ARHGAP18: variants seen among roughly 807,000 people sequenced by gnomAD.
The protein encoded by ARHGAP18 is Rho GTPase activating protein 18, also known as rho GTPase-activating protein 18.
ARHGAP18 carries 67 observed loss-of-function variants against 86.2 expected under a neutral mutation model. That is an observed-to-expected ratio of 0.78 (90% confidence interval 0.64 to 0.95). The LOEUF is 0.95. Ranked by LOEUF, ARHGAP18 falls within the 40% of genes least tolerant of loss-of-function variation. ARHGAP18 has a pLI of 0.00. For missense variants in ARHGAP18, 691 were observed against 780.4 expected, an observed-to-expected ratio of 0.89 and a Z score of 1.37; for synonymous variants, 283 against 280.4, an observed-to-expected ratio of 1.01 and a Z score of -0.09.
At chr6:129,643,597 T>A (rs924890896) in intron 1 of ARHGAP18, among the ~76,000 whole-genome samples, 2 of 152,224 alleles carry the variant, frequency 1.3e-5, no homozygotes, top group Non-Finnish European at 2.9e-5. Context: ...TAAATTTTTT[T>A]AAAGAATACA....
intron 4 of ARHGAP18, among the ~76,000 whole-genome samples, chr6:129,633,431 C>A (rs1251477912): frequency 2.1e-5 from 2 of 95,102 alleles, no homozygotes; most frequent in Non-Finnish European, 2.1e-5. Flanking sequence ...CAAGACTCCA[C>A]CTCAAAAAAA....
chr6:129,654,544 T>A (rs1773787307), intron 1 of ARHGAP18, among the ~76,000 whole-genome samples: 1 of 152,200 alleles, frequency 6.6e-6, no homozygotes, highest in African/African-American at 2.4e-5. Context: ...CAATATGGCA[T>A]CAGGTTCCAA....
chr6:129,677,366 C>T (rs186850602), intron 1 of ARHGAP18, among the ~76,000 whole-genome samples: 1 of 151,948 alleles, frequency 6.6e-6, no homozygotes, highest in Non-Finnish European at 1.5e-5. Flanking sequence ...GCAGTCCGGC[C>T]CTGGCGAAAG....
intron 7 of ARHGAP18, among the ~76,000 whole-genome samples, chr6:129,613,643 C>A (rs779493803): frequency 3.9e-5 from 6 of 152,150 alleles, no homozygotes; most frequent in Admixed American, 1.3e-4. Flanking sequence ...GGCTAAAAAC[C>A]AGCACCCAAT....
chr6:129,628,771 A>G (rs1469699671), intron 5 of ARHGAP18, among the ~76,000 whole-genome samples: 2 of 152,198 alleles, frequency 1.3e-5, no homozygotes, highest in South Asian at 2.1e-4. Context: ...AAAACCAAAC[A>G]GACCTGACAA....
rs35153109 is a variant in ARHGAP18, at chr6:129,668,362, TCACACACA to T, written c.114-26352_114-26345del. ...CCAAACCATCAATTTACCCAAATAA[TCACACACA>T]CACACACACACACACACACACACAC... On this transcript the variant is annotated intron_variant, in intron 1 of 14. Transcript: ENST00000368149. Among the ~76,000 whole-genome samples the T allele has an allele frequency of 1.6e-3, 216 of 137,848 alleles. 3 individuals are homozygous for T. The highest frequency in any genetic ancestry group is 2.1e-3 in the Non-Finnish European group (133 of 64,212). 90.4% of individuals were successfully genotyped at this position (137,848 alleles called of 152,430 possible).
intron 1 of ARHGAP18, among the ~76,000 whole-genome samples, chr6:129,701,489 A>T (rs1352327578): frequency 6.6e-6 from 1 of 152,206 alleles, no homozygotes; most frequent in Non-Finnish European, 1.5e-5. Context: ...TGTGAAATTA[A>T]GGCCGGGCGC....
intron 6 of ARHGAP18, 114 bp from the exon 7 acceptor site, chr6:129,616,417 AACT>A (rs1789100806): frequency 3.8e-6 from 3 of 790,112 alleles, no homozygotes; most frequent in Non-Finnish European, 5.9e-6. Context: ...TTTATTTAGC[AACT>A]ACTAAGTGAA....
intron 5 of ARHGAP18, among the ~76,000 whole-genome samples, chr6:129,625,851 AT>A (rs1789435862): frequency 1.3e-5 from 1 of 78,016 alleles, no homozygotes; most frequent in Non-Finnish European, 2.3e-5. Flanking sequence ...TATATTATAT[AT>A]TATATTTATA....
chr6:129,669,338 A>AT lies in ARHGAP18; in HGVS notation c.114-27321dup, dbSNP rs541130530. Among the ~76,000 whole-genome samples the AT allele has an allele frequency of 5.6e-4, 85 of 151,898 alleles. No homozygotes were observed. In the South Asian group the frequency reaches 0.015, roughly 28 times the overall value. On this transcript the variant is annotated intron_variant, in intron 1 of 14. Coordinates refer to ENST00000368149, the MANE Select transcript of ARHGAP18 (RefSeq NM_033515.3). ...AGGCGCCCGCCACCATGCCAGGCTA[A>AT]TTTTTTTGTATTTTTAGTAGAGACG...
At position 129,670,659 on chromosome 6, in the gene ARHGAP18, A is replaced by G. The variant is rs1237120438; in HGVS notation, c.114-28641T>C. Among the ~76,000 whole-genome samples, 3 of 151,504 alleles carry G rather than the reference A, an allele frequency of 2.0e-5. No individual in the cohort carries two copies. In the East Asian group the frequency reaches 5.8e-4, roughly 29 times the overall value. ...TCGCATCAAAAGGAGACTCATTCAG[A>G]TTCACCAAAAGTATGTGAAGTCGTA... On this transcript the variant is annotated intron_variant, in intron 1 of 14. Transcript: ENST00000368149.
chr6:129,646,116 A>C (rs1442040007), intron 1 of ARHGAP18, among the ~76,000 whole-genome samples: 1 of 152,222 alleles, frequency 6.6e-6, no homozygotes, highest in Non-Finnish European at 1.5e-5. Context: ...TTGATGATTT[A>C]TTCTGCTATC....
At chr6:129,631,762 T>TTA (rs1554336971) in intron 4 of ARHGAP18, among the ~76,000 whole-genome samples, 8 of 107,620 alleles carry the variant, frequency 7.4e-5, no homozygotes, top group Non-Finnish European at 4.4e-5. Context: ...GCTTCTATTT[T>TTA]AAAAAAAAAA....
chr6:129,672,771 C>T (rs1774162664), intron 1 of ARHGAP18, among the ~76,000 whole-genome samples: 1 of 152,228 alleles, frequency 6.6e-6, no homozygotes, highest in African/African-American at 2.4e-5. Flanking sequence ...AAGAAGAATG[C>T]CCTCTTTCTC....
chr6:129,607,932 G>T lies in ARHGAP18; in HGVS notation c.1243C>A (p.Leu415Ile), dbSNP rs1788887228. ...LFIRELPQPL[L>I]SVEYLKAFQA... The stretch of plus-strand genomic sequence containing the variant: ...AAGGCTTTGAGATACTCCACACTGA[G>T]CAGTGGCTGGGGCAACTCCCGAATG... The change falls in exon 9 of 15, where the codon CTC becomes ATC. Residue 415 changes from leucine to isoleucine, a missense_variant. Transcript: ENST00000368149. 1 of 1,613,676 alleles carries T rather than the reference G, an allele frequency of 6.2e-7. No individual in the cohort carries two copies. The highest frequency in any genetic ancestry group is 8.5e-7 in the Non-Finnish European group (1 of 1,179,878).
intron 12 of ARHGAP18, among the ~76,000 whole-genome samples, chr6:129,590,522 C>G (rs987853303): frequency 3.9e-5 from 6 of 152,142 alleles, no homozygotes; most frequent in Non-Finnish European, 7.3e-5. Flanking sequence ...AGCATGAGTA[C>G]TCTCCTACAG....
chr6:129,665,725 C>G (rs187456090), intron 1 of ARHGAP18, among the ~76,000 whole-genome samples: 2 of 152,118 alleles, frequency 1.3e-5, no homozygotes, highest in Non-Finnish European at 2.9e-5. Context: ...ATCAGAAAAG[C>G]CTGGATCATA....
chr6:129,690,177 C>T (rs1774501395), intron 1 of ARHGAP18, among the ~76,000 whole-genome samples: 1 of 151,712 alleles, frequency 6.6e-6, no homozygotes, highest in Admixed American at 6.6e-5. Context: ...TGTATGGAAA[C>T]TGTAAGTAAA....
chr6:129,584,639 C>A (rs948122359), intron 12 of ARHGAP18, among the ~76,000 whole-genome samples: 1 of 152,134 alleles, frequency 6.6e-6, no homozygotes, highest in Non-Finnish European at 1.5e-5. Context: ...TTTGAACTTA[C>A]GATGACCCCT....
Sources: gnomAD v4.1 joint callset for allele counts (sites outside exome capture counted in the v4.1 genomes callset) on GRCh38, gnomAD v4.1.1 for gene constraint, MANE v1.5 for transcripts, NCBI Gene and HGNC (gene_info 2026-07-23, HGNC 2026-07-21) for gene names.